Variants in SLC31A1 observed in about 807,000 individuals in gnomAD.
The protein encoded by SLC31A1 is solute carrier family 31 member 1.
In SLC31A1, 5 loss-of-function variants were observed where a neutral mutation model predicts 17.2. The observed-to-expected ratio is 0.29, with a 90% CI of 0.15 to 0.61. The LOEUF is 0.61. Among genes scored for constraint, SLC31A1 ranks in the 20% least tolerant of loss-of-function variants. The pLI is 0.86. For synonymous variants in SLC31A1, 76 were observed against 78.8 expected (o/e 0.96, Z 0.19); for missense variants, 161 against 241.4 (o/e 0.67, Z 2.21).
chr9:113,258,584 CA>C lies in SLC31A1; in HGVS notation c.203-106del. 2.5e-6 allele frequency: 3 copies of C among 1,208,226 alleles called. No homozygotes were observed. The highest frequency in any genetic ancestry group is 1.5e-5 in the African/African-American group (1 of 67,050). 74.8% of individuals were successfully genotyped at this position (1,208,226 alleles called of 1,614,324 possible). On this transcript the variant is annotated intron_variant, in intron 3 of 4. Coordinates refer to ENST00000374212, the MANE Select transcript of SLC31A1 (RefSeq NM_001859.4). This position sits in a 1 kb window ranked among gnomAD's most constrained non-coding sequence, Gnocchi z 4.8. ...AGAAGAGGTAAAAATATAATGTCTT[CA>C]AAAGCTGAGAGTAGCATTTTTTCTA...
At position 113,244,155 on chromosome 9, in the gene SLC31A1, C is replaced by CAAA. The variant is rs1200835310; in HGVS notation, c.-35-11937_-35-11935dup. On this transcript the variant is annotated intron_variant, in intron 1 of 4. Coordinates refer to ENST00000374212, the MANE Select transcript of SLC31A1 (RefSeq NM_001859.4). ...GGGTGACAAGAGCAAAACTCCATCTCAAAAAAAAAAAAAAAAAAAAAAAAG... is the reference window on the plus strand; with the variant it reads ...GGGTGACAAGAGCAAAACTCCATCTCAAAAAAAAAAAAAAAAAAAAAAAAAAAG... Among the ~76,000 whole-genome samples, 152 of 41,080 alleles carry CAAA rather than the reference C, an allele frequency of 3.7e-3. 2 individuals are homozygous for CAAA. Among genetic ancestry groups the CAAA allele is most frequent in the East Asian group, 0.013 (16 of 1,198 alleles). 27.0% of individuals were successfully genotyped at this position (41,080 alleles called of 152,430 possible). A position where few individuals can be genotyped will look rare whatever the true frequency, so the allele number is the denominator to read the frequency against.
At chr9:113,228,971 C>T (rs1175947290) in intron 1 of SLC31A1, among the ~76,000 whole-genome samples, 1 of 151,962 alleles carries the variant, frequency 6.6e-6, no homozygotes, top group Non-Finnish European at 1.5e-5. Flanking sequence ...CTTAGCCTCC[C>T]TAGTATCTGG....
chr9:113,234,556 A>G (rs1831436146), intron 1 of SLC31A1, among the ~76,000 whole-genome samples: 2 of 128,590 alleles, frequency 1.6e-5, no homozygotes, highest in South Asian at 4.9e-4. Flanking sequence ...TGTACTAAGT[A>G]TCTATGTTGT....
chr9:113,237,374 A>G (rs1003827478), intron 1 of SLC31A1, among the ~76,000 whole-genome samples: 1 of 152,044 alleles, frequency 6.6e-6, no homozygotes, highest in Non-Finnish European at 1.5e-5. Flanking sequence ...ACATTGGTTT[A>G]CCCGGAATGT....
rs1831727846 is a variant in SLC31A1 at position 113,256,290 on chromosome 9, G to T, written c.129+13G>T. 4 of 1,613,806 alleles carry T rather than the reference G, an allele frequency of 2.5e-6. No homozygotes were observed. The highest frequency in any genetic ancestry group is 1.3e-5 in the African/African-American group (1 of 74,912). ...CATGATGATGATGGTGAGTGCCATAGGAGGGGCAATGCAGGCCCTTTCCCA... is the reference window on the plus strand; with the variant it reads ...CATGATGATGATGGTGAGTGCCATATGAGGGGCAATGCAGGCCCTTTCCCA... On this transcript the variant is annotated intron_variant, in intron 2 of 4. Transcript: ENST00000374212.
At chr9:113,247,113 C>G (rs1831589587) in intron 1 of SLC31A1, among the ~76,000 whole-genome samples, 1 of 152,178 alleles carries the variant, frequency 6.6e-6, no homozygotes, top group Non-Finnish European at 1.5e-5. Context: ...TGGTAGTGTA[C>G]TGTCTTTGAC....
chr9:113,233,398 G>A (rs557049906), intron 1 of SLC31A1, among the ~76,000 whole-genome samples: 1 of 152,260 alleles, frequency 6.6e-6, no homozygotes, highest in South Asian at 2.1e-4. Flanking sequence ...ATCTCAGAAA[G>A]ACAGTTGACA....
chr9:113,245,447 C>T (rs1032316621), intron 1 of SLC31A1, among the ~76,000 whole-genome samples: 2 of 152,114 alleles, frequency 1.3e-5, no homozygotes, highest in African/African-American at 2.4e-5. Flanking sequence ...AGCCATCGCA[C>T]CCGGCCTCTG....
In SLC31A1 at chr9:113,254,015, T is replaced by G. The variant is rs375713994; in HGVS notation, c.-35-2099T>G. Among the ~76,000 whole-genome samples the G allele has an allele frequency of 6.8e-3, 940 of 138,246 alleles. 8 individuals are homozygous for G. The highest frequency in any genetic ancestry group is 0.024 in the African/African-American group (891 of 36,974). The allele number at this position is 138,246 out of a possible 152,430, so 90.7% of individuals were successfully genotyped here. A position where few individuals can be genotyped will look rare whatever the true frequency, so the allele number is the denominator to read the frequency against. On this transcript the variant is annotated intron_variant, in intron 1 of 4. Coordinates refer to ENST00000374212, the MANE Select transcript of SLC31A1 (RefSeq NM_001859.4). ...TGTCACCTAGGCTGGAGTGCGGTAGTCCAACCTTGACTCACTGAAACCTCC... is the reference window on the plus strand; with the variant it reads ...TGTCACCTAGGCTGGAGTGCGGTAGGCCAACCTTGACTCACTGAAACCTCC...
chr9:113,239,073 A>T (rs1831494765), intron 1 of SLC31A1, among the ~76,000 whole-genome samples: 1 of 152,188 alleles, frequency 6.6e-6, no homozygotes, highest in East Asian at 1.9e-4. Context: ...TATGCGTAGG[A>T]CCTGTTGCCA....
intron 1 of SLC31A1, among the ~76,000 whole-genome samples, chr9:113,227,897 G>A (rs1831359003): frequency 6.6e-6 from 1 of 152,204 alleles, no homozygotes; most frequent in Admixed American, 6.5e-5. Flanking sequence ...GTGAAAGGCT[G>A]TATACTTCAA....
chr9:113,224,613 A>G (rs144878238), intron 1 of SLC31A1, among the ~76,000 whole-genome samples: 9,508 of 152,192 alleles, frequency 0.062, 645 homozygotes, highest in East Asian at 0.34. Context: ...TTTTTAGTAG[A>G]GACGGGGTTT....
rs144819495 is a variant in SLC31A1, at chr9:113,246,645, G to A, written c.-35-9469G>A. On this transcript the variant is annotated intron_variant, in intron 1 of 4. Transcript: ENST00000374212. ...GGATTATAGGCGTGAGCCACTGCAC[G>A]CGGCCGATAATTTTTATTTTTATTT... is the stretch of plus-strand genomic sequence containing the variant. Among the ~76,000 whole-genome samples the A allele has an allele frequency of 2.7e-3, 412 of 150,000 alleles. 4 individuals are homozygous for A. Among genetic ancestry groups the A allele is most frequent in the African/African-American group, 9.6e-3 (391 of 40,792 alleles).
intron 1 of SLC31A1, among the ~76,000 whole-genome samples, chr9:113,254,219 G>A (rs943938843): frequency 1.3e-5 from 2 of 152,078 alleles, no homozygotes; most frequent in African/African-American, 4.8e-5. Flanking sequence ...CTCCCAAAGT[G>A]CTGGGATAAC....
At chr9:113,246,437 C>T (rs181688425) in intron 1 of SLC31A1, among the ~76,000 whole-genome samples, 192 of 151,990 alleles carry the variant, frequency 1.3e-3, no homozygotes, top group Middle Eastern at 3.4e-3. Flanking sequence ...CTGCAACCTC[C>T]GCCTCCCGGA....
chr9:113,229,367 A>G (rs1314627707), intron 1 of SLC31A1, among the ~76,000 whole-genome samples: 1 of 152,196 alleles, frequency 6.6e-6, no homozygotes, highest in Admixed American at 6.5e-5. Context: ...TAACATGAAC[A>G]TACTCTGTTT....
chr9:113,231,378 A>G (rs1326144347), intron 1 of SLC31A1, among the ~76,000 whole-genome samples: 1 of 152,126 alleles, frequency 6.6e-6, no homozygotes, highest in Non-Finnish European at 1.5e-5. Context: ...AGCCTGGGCA[A>G]CATAGGGAGA....
At chr9:113,255,995 G>A in intron 1 of SLC31A1, 119 bp from the exon 2 acceptor site, 1 of 694,478 alleles carries the variant, frequency 1.4e-6, no homozygotes, top group Non-Finnish European at 2.3e-6. Context: ...GATCATGCCT[G>A]TGAATAGCCA....
At chr9:113,231,684 T>C (rs907840472) in intron 1 of SLC31A1, among the ~76,000 whole-genome samples, 1 of 152,260 alleles carries the variant, frequency 6.6e-6, no homozygotes, top group African/African-American at 2.4e-5. Flanking sequence ...TGTATCTTTT[T>C]ATTCACATGA....
Sources: gnomAD v4.1 joint callset for allele counts (sites outside exome capture counted in the v4.1 genomes callset) on GRCh38, gnomAD v4.1.1 for gene constraint, Gnocchi (gnomAD v3.1) non-coding constraint, MANE v1.5 for transcripts, NCBI Gene and HGNC (gene_info 2026-07-23, HGNC 2026-07-21) for gene names.